Variants in CRACD observed in about 807,000 individuals in gnomAD.
CRACD encodes the protein capping protein inhibiting regulator of actin dynamics.
In CRACD, 56 loss-of-function variants were observed where a neutral mutation model predicts 106.8. The observed-to-expected ratio is 0.52, with a 90% CI of 0.42 to 0.66. The LOEUF (loss-of-function observed/expected upper bound fraction) is 0.66, where lower values mean the gene tolerates loss of function less well. Ranked by LOEUF, CRACD falls within the 30% of genes least tolerant of loss-of-function variation. The pLI is 0.00. For missense variants in CRACD, 1,730 were observed against 1,623.2 expected (o/e 1.07, Z -1.13); for synonymous variants, 754 against 670.8 (o/e 1.12, Z -1.92).
rs369235568 is a variant in CRACD at position 56,314,987 on chromosome 4, G to A, written c.1485G>A (p.Glu495=). The A allele has an allele frequency of 6.3e-7, 1 of 1,586,858 alleles. No individual in the cohort carries two copies. The highest frequency in any genetic ancestry group is 1.3e-5 in the African/African-American group (1 of 74,694). ...ACACGGAGCCTCTCCTGAAACAAGA[G>A]GGGCCGGTGGAAGCCGCGCAGCCTC... ...EGDTEPLLKQ[E]GPVEAAQPPV... is the part of the protein sequence containing the mutation. Residue 495 remains glutamate (E), a synonymous_variant, in exon 8 of 11, where the codon GAG becomes GAA. Coordinates refer to ENST00000682029, the MANE Select transcript of CRACD (RefSeq NM_001393381.1). This position sits in a 1 kb window ranked among gnomAD's most constrained non-coding sequence, Gnocchi z 4.4.
At chr4:56,121,088 C>G (rs1448853642) in intron 1 of CRACD, among the ~76,000 whole-genome samples, 2 of 152,190 alleles carry the variant, frequency 1.3e-5, no homozygotes, top group Non-Finnish European at 2.9e-5. Flanking sequence ...TTCTTTAACA[C>G]TCCCTCTTCA....
At chr4:56,324,368 A>G in intron 10 of CRACD, 102 bp downstream of exon 10, 2 of 1,096,756 alleles carry the variant, frequency 1.8e-6, no homozygotes, top group South Asian at 3.7e-5. Flanking sequence ...CACCTCAGGC[A>G]TTTCAAAGCA....
In CRACD at chr4:56,197,252, T is replaced by C. The variant is rs139921547; in HGVS notation, c.-189+17822T>C. Among the ~76,000 whole-genome samples, 685 of 151,972 alleles carry C rather than the reference T, an allele frequency of 4.5e-3. 2 individuals carry two copies. Among genetic ancestry groups the C allele is most frequent in the African/African-American group, 0.016 (643 of 41,274 alleles). The stretch of plus-strand genomic sequence containing the variant: ...CTGTCGATGATTGGATTTATCACAC[T>C]TTCTTGGCAGAGATTAAAAAAAAAA... On this transcript the variant is annotated intron_variant, in intron 2 of 10. Coordinates refer to ENST00000682029, the MANE Select transcript of CRACD (RefSeq NM_001393381.1).
At chr4:56,087,544 CCTT>C (rs1194100243) in intron 1 of CRACD, among the ~76,000 whole-genome samples, 2 of 152,086 alleles carry the variant, frequency 1.3e-5, no homozygotes, top group Non-Finnish European at 2.9e-5. Flanking sequence ...CTTTCTGAAA[CCTT>C]CTTCTTCCAT....
chr4:56,056,633 C>T (rs570039669), intron 1 of CRACD, among the ~76,000 whole-genome samples: 2 of 151,922 alleles, frequency 1.3e-5, no homozygotes, highest in South Asian at 4.2e-4. Context: ...ACCCTCTCCC[C>T]GAAAAACCAA....
At position 56,315,322 on chromosome 4, in the gene CRACD, C is replaced by T. The variant is rs1187672800; in HGVS notation, c.1820C>T (p.Ala607Val). The T allele has an allele frequency of 1.2e-6, 2 of 1,613,926 alleles. No homozygotes were observed. Among genetic ancestry groups the T allele is most frequent in the East Asian group, 2.2e-5 (1 of 44,858 alleles). The change falls in exon 8 of 11, where the codon GCA (alanine) becomes GTA (valine). Residue 607 changes from alanine to valine, a missense_variant. By Grantham distance (64) the Ala-to-Val change is moderately conservative. This residue lies in a region of CRACD where 1,620 missense variants were observed against 1,481.6 expected (regional missense o/e 1.09). Coordinates refer to ENST00000682029, the MANE Select transcript of CRACD (RefSeq NM_001393381.1). The surrounding 1 kb of genome is among the most constrained non-coding windows in gnomAD (Gnocchi z 4.1). The part of the protein sequence containing the change: ...LVTGAQLCGP[A>V]VNLSQIKDTA... ...ACGGGCGCGCAGCTCTGTGGCCCGG[C>T]AGTCAACCTGAGCCAGATCAAGGAC...
chr4:56,189,083 T>C (rs953942300), intron 2 of CRACD, among the ~76,000 whole-genome samples: 5 of 151,974 alleles, frequency 3.3e-5, no homozygotes, highest in African/African-American at 9.7e-5. Context: ...CTGAGGAGGA[T>C]GAGGCATGAG....
chr4:56,278,306 T>C (rs1216164255), intron 3 of CRACD, among the ~76,000 whole-genome samples: 2 of 152,072 alleles, frequency 1.3e-5, no homozygotes, highest in Non-Finnish European at 2.9e-5. Flanking sequence ...GGTATAAGGA[T>C]AGATATAAAG....
At position 56,314,348 on chromosome 4, in the gene CRACD, G is replaced by T; in HGVS notation, c.846G>T (p.Glu282Asp). 1 of 1,549,576 alleles carries T rather than the reference G, an allele frequency of 6.5e-7. No homozygotes were observed. The highest frequency in any genetic ancestry group is 1.2e-5 in the South Asian group (1 of 84,028). The part of the protein sequence containing the change: ...EEGEGQEPPL[E>D]AERAPREEQQ... Reference sequence around the variant, plus strand: ...GCGAGGGGCAGGAGCCGCCTCTAGAGGCGGAAAGGGCGCCGCGGGAAGAGC... The same window carrying T: ...GCGAGGGGCAGGAGCCGCCTCTAGATGCGGAAAGGGCGCCGCGGGAAGAGC... Residue 282 changes from glutamate to aspartate, a missense_variant, in exon 8 of 11, where the codon GAG (glutamate) becomes GAT (aspartate). Coordinates refer to ENST00000682029, the MANE Select transcript of CRACD (RefSeq NM_001393381.1). This position sits in a 1 kb window ranked among gnomAD's most constrained non-coding sequence, Gnocchi z 4.4.
intron 1 of CRACD, among the ~76,000 whole-genome samples, chr4:56,052,363 T>A (rs569006183): frequency 4.6e-5 from 7 of 152,382 alleles, no homozygotes; most frequent in African/African-American, 1.4e-4. Flanking sequence ...TTGAGATCGC[T>A]AAATGATTTC....
chr4:56,173,553 T>G (rs934154019), intron 1 of CRACD, among the ~76,000 whole-genome samples: 1 of 152,218 alleles, frequency 6.6e-6, no homozygotes, highest in African/African-American at 2.4e-5. Context: ...ATCAGGCCTA[T>G]TTTGTCTAAA....
intron 2 of CRACD, among the ~76,000 whole-genome samples, chr4:56,212,173 A>G (rs1327747474): frequency 6.6e-6 from 1 of 152,230 alleles, no homozygotes; most frequent in Non-Finnish European, 1.5e-5. Context: ...ACTGCTCATT[A>G]TATGCTAATT....
intron 3 of CRACD, among the ~76,000 whole-genome samples, chr4:56,286,469 T>G (rs1577858845): frequency 7.7e-6 from 1 of 130,406 alleles, no homozygotes; most frequent in East Asian, 2.4e-4. Flanking sequence ...GAGCTTACAG[T>G]GAGCCGAGAT....
chr4:56,300,681 C>T (rs559215334), intron 4 of CRACD, among the ~76,000 whole-genome samples: 1 of 152,182 alleles, frequency 6.6e-6, no homozygotes, highest in African/African-American at 2.4e-5. Context: ...TTTATGAGAG[C>T]TTTTTAGGAG....
At chr4:56,285,435 A>C (rs1327283054) in intron 3 of CRACD, among the ~76,000 whole-genome samples, 2 of 87,720 alleles carry the variant, frequency 2.3e-5, no homozygotes, top group African/African-American at 6.9e-5. Flanking sequence ...GGGTGACATT[A>C]GATAATAACT....
chr4:56,245,927 A>G (rs977120694), intron 2 of CRACD, among the ~76,000 whole-genome samples: 1 of 152,218 alleles, frequency 6.6e-6, no homozygotes, highest in Non-Finnish European at 1.5e-5. Context: ...CTTCTTTTAC[A>G]TAAGATTCAA....
At chr4:56,313,407 G>C (rs200266596) in intron 7 of CRACD, 28 bp downstream of exon 7, 49 of 1,591,528 alleles carry the variant, frequency 3.1e-5, no homozygotes, top group Non-Finnish European at 3.8e-5. Context: ...GGGCTGACCA[G>C]GCAGGTGCCC....
intron 2 of CRACD, among the ~76,000 whole-genome samples, chr4:56,259,143 A>G (rs1364550905): frequency 6.6e-6 from 1 of 152,158 alleles, no homozygotes; most frequent in Non-Finnish European, 1.5e-5. Context: ...GGCAAAAAGC[A>G]GGGGCTTTTA....
intron 3 of CRACD, among the ~76,000 whole-genome samples, chr4:56,292,456 G>A (rs986547383): frequency 6.6e-6 from 1 of 152,012 alleles, no homozygotes; most frequent in Non-Finnish European, 1.5e-5. Context: ...GAAGTGATGT[G>A]CTTCTTTGCT....
Sources: allele counts gnomAD v4.1 joint callset (sites outside exome capture counted in the v4.1 genomes callset), GRCh38; gene constraint gnomAD v4.1.1; regional missense constraint gnomAD v4.1.1; non-coding constraint Gnocchi (gnomAD v3.1); transcripts MANE v1.5; gene names NCBI Gene and HGNC (gene_info 2026-07-23, HGNC 2026-07-21).